The following BMP7 variants were observed in gnomAD, a reference collection of about 807,000 sequenced individuals.
The protein encoded by BMP7 is osteogenic protein 1.
A neutral mutation model predicts 41.2 loss-of-function variants in BMP7; 12 were observed. The observed-to-expected ratio is 0.29, with a 90% confidence interval of 0.19 to 0.47. The LOEUF is 0.47. Among genes scored for constraint, BMP7 ranks in the 20% least tolerant of loss-of-function variants. The pLI is 0.99. For missense variants in BMP7, 467 were observed against 606.0 expected (o/e 0.77, Z 2.41); for synonymous variants, 248 against 250.0 (o/e 0.99, Z 0.07).
At chr20:57,227,307 A>T (rs2066011165) in intron 2 of BMP7, among the ~76,000 whole-genome samples, 1 of 152,190 alleles carries the variant, frequency 6.6e-6, no homozygotes, top group South Asian at 2.1e-4. Flanking sequence ...TGTGAATATG[A>T]AACAAGATAT....
chr20:57,196,214 C>T (rs954855542), intron 3 of BMP7, among the ~76,000 whole-genome samples: 1 of 152,208 alleles, frequency 6.6e-6, no homozygotes, highest in Non-Finnish European at 1.5e-5. Context: ...CCAGCCCAAA[C>T]CAGTCTTCAT....
At chr20:57,249,198 AG>A (rs2066102433) in intron 1 of BMP7, among the ~76,000 whole-genome samples, 1 of 152,072 alleles carries the variant, frequency 6.6e-6, no homozygotes, top group Non-Finnish European at 1.5e-5. Context: ...GCTGTCCCAG[AG>A]GGTGTTATAG....
intron 2 of BMP7, among the ~76,000 whole-genome samples, chr20:57,221,634 G>A (rs1985191822): frequency 3.9e-5 from 6 of 152,026 alleles, no homozygotes; most frequent in Admixed American, 2.0e-4. Context: ...ACAACACAGT[G>A]AGACCTCATC....
chr20:57,225,095 A>T (rs1031308673), intron 2 of BMP7, among the ~76,000 whole-genome samples: 4 of 152,170 alleles, frequency 2.6e-5, no homozygotes, highest in African/African-American at 7.2e-5. Context: ...CGGGGACAGC[A>T]GGGCAGGCTC....
chr20:57,196,295 G>C (rs995251958), intron 3 of BMP7, among the ~76,000 whole-genome samples: 5 of 152,168 alleles, frequency 3.3e-5, no homozygotes, highest in Non-Finnish European at 7.3e-5. Context: ...TAGAGCAGCA[G>C]GAAGCCCTTC....
At position 57,213,069 on chromosome 20, in the gene BMP7, C is replaced by T. The variant is rs116947671; in HGVS notation, c.612-10446G>A. Among the ~76,000 whole-genome samples, 14 of 152,358 alleles carry T rather than the reference C, an allele frequency of 9.2e-5. No individual in the cohort carries two copies. The East Asian group carries it at 2.7e-3, about 29-fold the overall frequency. ...CTTTGGGGAGTAAGGTGGAAAAATACACAAAGAGGCACAATATCCTCCTGC... is the reference window on the plus strand; with the variant it reads ...CTTTGGGGAGTAAGGTGGAAAAATATACAAAGAGGCACAATATCCTCCTGC... On this transcript the variant is annotated intron_variant, in intron 2 of 6. Transcript: ENST00000395863. This position sits in a 1 kb window ranked among gnomAD's most constrained non-coding sequence, Gnocchi z 4.4.
chr20:57,253,025 C>T (rs1323218927), intron 1 of BMP7, among the ~76,000 whole-genome samples: 3 of 152,174 alleles, frequency 2.0e-5, no homozygotes, highest in Non-Finnish European at 4.4e-5. Context: ...AGAAACTGCA[C>T]ACTAAACGTA....
chr20:57,219,145 G>C (rs1426974349), intron 2 of BMP7, among the ~76,000 whole-genome samples: 1 of 119,046 alleles, frequency 8.4e-6, no homozygotes, highest in East Asian at 2.0e-4. Context: ...TTCGGTGGTA[G>C]CTGGTGTTCA....
intron 1 of BMP7, among the ~76,000 whole-genome samples, chr20:57,248,009 A>G (rs1031863406): frequency 1.3e-5 from 2 of 152,190 alleles, no homozygotes; most frequent in African/African-American, 4.8e-5. Flanking sequence ...GAGCTAATGT[A>G]CCTACCTGTA....
At position 57,168,947 on chromosome 20, in the gene BMP7, G is replaced by GC. The variant is rs1383027751; in HGVS notation, c.*2011_*2012insG. On this transcript the variant is annotated 3_prime_UTR_variant, in exon 7 of 7. Coordinates refer to ENST00000395863, the MANE Select transcript of BMP7 (RefSeq NM_001719.3). ...CATCGTCCTGAACGAGGGATTAAAGGGGGGGGGGTGTTCAAAAGAGCTTTG... is the reference window on the plus strand; with the variant it reads ...CATCGTCCTGAACGAGGGATTAAAGGCGGGGGGGGTGTTCAAAAGAGCTTTG... 1 of 43,152 alleles carries GC rather than the reference G, an allele frequency of 2.3e-5. No homozygotes were observed. The highest frequency in any genetic ancestry group is 4.7e-5 in the African/African-American group (1 of 21,286). 2.7% of individuals were successfully genotyped at this position (43,152 alleles called of 1,614,324 possible).
intron 1 of BMP7, among the ~76,000 whole-genome samples, chr20:57,258,915 T>C (rs953032221): frequency 1.3e-5 from 2 of 152,322 alleles, no homozygotes; most frequent in Admixed American, 1.3e-4. Flanking sequence ...GAGCTACCAT[T>C]TGTTTTACAC....
At chr20:57,237,920 C>T (rs932779053) in intron 1 of BMP7, among the ~76,000 whole-genome samples, 1 of 152,190 alleles carries the variant, frequency 6.6e-6, no homozygotes, top group Non-Finnish European at 1.5e-5. Context: ...AGGTAAACAG[C>T]CACCATTTTT....
intron 1 of BMP7, among the ~76,000 whole-genome samples, chr20:57,262,929 C>G (rs577504688): frequency 6.6e-6 from 1 of 152,306 alleles, no homozygotes; most frequent in East Asian, 1.9e-4. Context: ...TCTCCTACAC[C>G]TCCCCCCAAC....
chr20:57,242,004 T>C (rs1451265698), intron 1 of BMP7, among the ~76,000 whole-genome samples: 1 of 152,180 alleles, frequency 6.6e-6, no homozygotes, highest in Non-Finnish European at 1.5e-5. Flanking sequence ...CTCTTTCTAC[T>C]ATAGACCCAG....
At chr20:57,245,891 G>C (rs762287105) in intron 1 of BMP7, among the ~76,000 whole-genome samples, 11 of 152,140 alleles carry the variant, frequency 7.2e-5, no homozygotes, top group Non-Finnish European at 1.5e-4. Context: ...GCCCGCCTCA[G>C]CCTCCCAAAG....
intron 1 of BMP7, among the ~76,000 whole-genome samples, chr20:57,241,525 A>G (rs574965270): frequency 6.6e-6 from 1 of 152,254 alleles, no homozygotes; most frequent in East Asian, 1.9e-4. Flanking sequence ...CTGTTCCTGA[A>G]CTGCTTCAAC....
intron 1 of BMP7, among the ~76,000 whole-genome samples, chr20:57,255,821 A>AAAAAAG (rs1568731432): frequency 2.0e-5 from 3 of 149,992 alleles, no homozygotes; most frequent in Non-Finnish European, 4.4e-5. Context: ...AAAAAAAAAA[A>AAAAAAG]AAAGAAAGAA....
chr20:57,263,126 C>G (rs1360452623), intron 1 of BMP7, among the ~76,000 whole-genome samples: 3 of 152,188 alleles, frequency 2.0e-5, no homozygotes, highest in Non-Finnish European at 2.9e-5. Context: ...CTAATGACCT[C>G]GAGTTTAGGG....
At chr20:57,182,499 A>G (rs182621095) in intron 4 of BMP7, among the ~76,000 whole-genome samples, 9 of 152,332 alleles carry the variant, frequency 5.9e-5, no homozygotes, top group Middle Eastern at 3.4e-3. Context: ...AAAGCACCCA[A>G]TGGGATTGCT....
Sources: gnomAD v4.1 joint callset for allele counts (sites outside exome capture counted in the v4.1 genomes callset) on GRCh38, gnomAD v4.1.1 for gene constraint, Gnocchi (gnomAD v3.1) non-coding constraint, MANE v1.5 for transcripts, NCBI Gene and HGNC (gene_info 2026-07-23, HGNC 2026-07-21) for gene names.